FUT9: variants seen among roughly 807,000 people sequenced by gnomAD.
FUT9 encodes fucosyltransferase 9.
In FUT9, 15 loss-of-function variants were observed where a neutral mutation model predicts 29.7. The ratio of observed to expected loss-of-function variants is 0.51; its 90% CI spans 0.34 to 0.78. The LOEUF is 0.78. Among genes scored for constraint, FUT9 ranks in the 30% least tolerant of loss-of-function variants. The pLI is 0.01. For synonymous variants in FUT9, 169 were observed against 153.7 expected (o/e 1.10, Z -0.74); for missense variants, 319 against 425.4 (o/e 0.75, Z 2.20).
chr6:96,119,369 C>T (rs1314334467), intron 2 of FUT9, among the ~76,000 whole-genome samples: 1 of 152,110 alleles, frequency 6.6e-6, no homozygotes, highest in Non-Finnish European at 1.5e-5. Flanking sequence ...AAGTTTGTAG[C>T]CTAGAAACAA....
chr6:96,049,385 T>C (rs1770624311), intron 1 of FUT9, among the ~76,000 whole-genome samples: 1 of 152,194 alleles, frequency 6.6e-6, no homozygotes, highest in Admixed American at 6.5e-5. Flanking sequence ...AGTGTTTAAA[T>C]AGAAGACTAA....
intron 1 of FUT9, among the ~76,000 whole-genome samples, chr6:96,027,556 A>T (rs1239077199): frequency 2.0e-5 from 3 of 151,432 alleles, no homozygotes; most frequent in African/African-American, 7.3e-5. Flanking sequence ...CCAACCCTGA[A>T]ATCTGGTGTA....
intron 1 of FUT9, among the ~76,000 whole-genome samples, chr6:96,042,308 T>C (rs1770476049): frequency 6.6e-6 from 1 of 152,204 alleles, no homozygotes; most frequent in African/African-American, 2.4e-5. Flanking sequence ...TTAGAAACAA[T>C]GTCTGCATCT....
chr6:96,163,806 A>G (rs1772958454), intron 2 of FUT9, among the ~76,000 whole-genome samples: 1 of 152,202 alleles, frequency 6.6e-6, no homozygotes, highest in Non-Finnish European at 1.5e-5. Context: ...TTACAGGCAC[A>G]AGCCACTGTG....
At position 96,214,185 on chromosome 6, in the gene FUT9, T is replaced by C. The variant is rs920094452; in HGVS notation, c.*9950T>C. 1 of 166,894 alleles carries C rather than the reference T, an allele frequency of 6.0e-6. No individual in the cohort carries two copies. Among genetic ancestry groups the C allele is most frequent in the Non-Finnish European group, 1.5e-5 (1 of 68,052 alleles). The allele number at this position is 166,894 out of a possible 1,614,324, so 10.3% of individuals were successfully genotyped here. A position where few individuals can be genotyped will look rare whatever the true frequency, so the allele number is the denominator to read the frequency against. ...AATTATTTGTTGGCAAGTGATACAA[T>C]TTACTGTATAACAACTTAATAGTAC... On this transcript the variant is annotated 3_prime_UTR_variant, in exon 3 of 3. Transcript: ENST00000302103.
chr6:96,092,085 T>C (rs1039325042), intron 1 of FUT9, among the ~76,000 whole-genome samples: 5 of 152,132 alleles, frequency 3.3e-5, no homozygotes, highest in African/African-American at 1.2e-4. Flanking sequence ...AAGTAGGGTG[T>C]ATCCCAAATG....
rs9377449 is a variant in FUT9, at chr6:96,164,799, G to T, written c.-8-38349G>T. Among the ~76,000 whole-genome samples the T allele has an allele frequency of 2.0e-4, 31 of 152,230 alleles. 1 individual carries two copies. The highest frequency in any genetic ancestry group is 1.7e-3 in the South Asian group (8 of 4,828). ...AGGGATCCATTCAGTTGGTTGGGGA[G>T]GCTTAGAATTTTATTTTTGGTTTCC... On this transcript the variant is annotated intron_variant, in intron 2 of 2. Coordinates refer to ENST00000302103, the MANE Select transcript of FUT9 (RefSeq NM_006581.4).
chr6:96,043,240 A>G (rs1770498829), intron 1 of FUT9, among the ~76,000 whole-genome samples: 2 of 152,068 alleles, frequency 1.3e-5, no homozygotes, highest in Admixed American at 6.6e-5. Flanking sequence ...TTTAGTAGAG[A>G]CGGGGTTTCA....
intron 1 of FUT9, among the ~76,000 whole-genome samples, chr6:96,026,946 T>G (rs1448491468): frequency 6.6e-6 from 1 of 151,688 alleles, no homozygotes; most frequent in Non-Finnish European, 1.5e-5. Flanking sequence ...TAAATGCTAG[T>G]AGAGATGAAC....
chr6:96,061,045 A>G (rs1770865129), intron 1 of FUT9, among the ~76,000 whole-genome samples: 1 of 152,010 alleles, frequency 6.6e-6, no homozygotes, highest in Admixed American at 6.5e-5. Context: ...AATGTATCCT[A>G]TATTTAATGA....
chr6:96,085,337 C>T (rs1467304755), intron 1 of FUT9, among the ~76,000 whole-genome samples: 1 of 152,130 alleles, frequency 6.6e-6, no homozygotes, highest in African/African-American at 2.4e-5. Flanking sequence ...TCTATAAGGG[C>T]CCTCTTCCCT....
chr6:96,163,361 C>T lies in FUT9; in HGVS notation c.-8-39787C>T, dbSNP rs529515736. On this transcript the variant is annotated intron_variant, in intron 2 of 2. Coordinates refer to ENST00000302103, the MANE Select transcript of FUT9 (RefSeq NM_006581.4). ...ACTAAATATGGCCTGAGAAGGACTC[C>T]ATACTTCTATATTTGAGTTATTGCG... Among the ~76,000 whole-genome samples the T allele has an allele frequency of 2.0e-5, 3 of 150,606 alleles. No homozygotes were observed. In the Admixed American group the frequency reaches 2.0e-4, roughly 10 times the overall value.
At chr6:96,133,212 G>T (rs898004745) in intron 2 of FUT9, among the ~76,000 whole-genome samples, 26 of 151,822 alleles carry the variant, frequency 1.7e-4, no homozygotes, top group African/African-American at 4.8e-4. Context: ...AATATAAAAT[G>T]TATTTCTTAC....
At chr6:96,026,013 GA>G (rs1169158321) in intron 1 of FUT9, among the ~76,000 whole-genome samples, 1 of 151,616 alleles carries the variant, frequency 6.6e-6, no homozygotes, top group Non-Finnish European at 1.5e-5. Context: ...TCAATTTAAG[GA>G]ATGTCACCCC....
chr6:96,078,207 T>C (rs1771171693), intron 1 of FUT9, among the ~76,000 whole-genome samples: 1 of 152,034 alleles, frequency 6.6e-6, no homozygotes, highest in African/African-American at 2.4e-5. Flanking sequence ...AACTGTGTTT[T>C]TCAAATTTTC....
chr6:96,172,545 C>T (rs1773131604), intron 2 of FUT9, among the ~76,000 whole-genome samples: 1 of 151,924 alleles, frequency 6.6e-6, no homozygotes, highest in Non-Finnish European at 1.5e-5. Context: ...ATTTTTGCCC[C>T]TTTCTAGGAA....
Position 96,204,281 on chromosome 6 carries a change from C to T in FUT9, c.*46C>T. On this transcript the variant is annotated 3_prime_UTR_variant, in exon 3 of 3. Transcript: ENST00000302103. ...CTTGATAAATATTTTGATGAGATAT[C>T]ATCCAAGTATTGAGGATAAGAAGAG... The T allele has an allele frequency of 2.3e-6, 3 of 1,315,496 alleles. No homozygotes were observed. The highest frequency in any genetic ancestry group is 3.0e-6 in the Non-Finnish European group (3 of 991,740). The allele number at this position is 1,315,496 out of a possible 1,614,324, so 81.5% of individuals were successfully genotyped here.
intron 1 of FUT9, among the ~76,000 whole-genome samples, chr6:96,050,886 G>A (rs1046725265): frequency 1.3e-5 from 2 of 152,028 alleles, no homozygotes; most frequent in African/African-American, 4.8e-5. Context: ...ATTACTTAAC[G>A]TAACACATTA....
At position 96,047,763 on chromosome 6, in the gene FUT9, A is replaced by G. The variant is rs536060587; in HGVS notation, c.-98+31551A>G. On this transcript the variant is annotated intron_variant, in intron 1 of 2. Coordinates refer to ENST00000302103, the MANE Select transcript of FUT9 (RefSeq NM_006581.4). ...TATGTGAGAAAATATAAGATGACTT[A>G]AGACAGGCAACAAGAATTAAGAAAG... Among the ~76,000 whole-genome samples, 13 of 152,358 alleles carry G rather than the reference A, an allele frequency of 8.5e-5. No homozygotes were observed. In the South Asian group the frequency reaches 2.7e-3, roughly 32 times the overall value.
Sources: gnomAD v4.1 joint callset for allele counts (sites outside exome capture counted in the v4.1 genomes callset) on GRCh38, gnomAD v4.1.1 for gene constraint, MANE v1.5 for transcripts, NCBI Gene and HGNC (gene_info 2026-07-23, HGNC 2026-07-21) for gene names.